The following NR2F1-AS1 variants were observed in gnomAD, a reference collection of about 807,000 sequenced individuals.
The protein encoded by NR2F1-AS1 is NR2F1 antisense RNA 1.
intron 4 of NR2F1-AS1, among the ~76,000 whole-genome samples, chr5:93,513,119 T>C (rs1434216108): frequency 6.6e-6 from 1 of 152,096 alleles, no homozygotes; most frequent in Non-Finnish European, 1.5e-5. Flanking sequence ...TGAGATGCCA[T>C]CTCATACAAG....
intron 4 of NR2F1-AS1, among the ~76,000 whole-genome samples, chr5:93,474,514 C>T (rs1036734545): frequency 6.6e-6 from 1 of 152,180 alleles, no homozygotes; most frequent in Non-Finnish European, 1.5e-5. Context: ...AAACTTACTT[C>T]TTACAGCTCT....
intron 4 of NR2F1-AS1, among the ~76,000 whole-genome samples, chr5:93,442,984 C>T (rs889496137): frequency 5.9e-5 from 9 of 152,224 alleles, no homozygotes; most frequent in Non-Finnish European, 1.0e-4. Context: ...AGGGTCCTCA[C>T]TGTTAGAAGG....
At chr5:93,481,809 A>G (rs1380973923) in intron 4 of NR2F1-AS1, among the ~76,000 whole-genome samples, 1 of 152,152 alleles carries the variant, frequency 6.6e-6, no homozygotes, top group East Asian at 1.9e-4. Flanking sequence ...TTTAAAAAAA[A>G]TAGGTTAAGA....
At chr5:93,510,605 A>G (rs1751275324) in intron 4 of NR2F1-AS1, among the ~76,000 whole-genome samples, 1 of 152,024 alleles carries the variant, frequency 6.6e-6, no homozygotes, top group Admixed American at 6.6e-5. Context: ...TCCTCCAGCT[A>G]TTTTCTTTTA....
Position 93,579,047 on chromosome 5 carries a change from G to A in NR2F1-AS1, n.313+1420C>T, listed in dbSNP as rs1202778509. On this transcript the variant is annotated intron_variant and non_coding_transcript_variant, in intron 1 of 5. Coordinates refer to ENST00000660523, the Ensembl canonical transcript of NR2F1-AS1. The surrounding 1 kb of genome is among the most constrained non-coding windows in gnomAD (Gnocchi z 5.1). Reference sequence around the variant, plus strand: ...GCAGGGCTATGAGCACAAGTGGGGCGCCCTGTGGGTGTGCAACCGCGGTCG... The same window carrying A: ...GCAGGGCTATGAGCACAAGTGGGGCACCCTGTGGGTGTGCAACCGCGGTCG... Among the ~76,000 whole-genome samples, 1 of 152,168 alleles carries A rather than the reference G, an allele frequency of 6.6e-6. No homozygotes were observed. The highest frequency in any genetic ancestry group is 1.5e-5 in the Non-Finnish European group (1 of 68,038).
intron 1 of NR2F1-AS1, among the ~76,000 whole-genome samples, chr5:93,565,310 G>A (rs1752593447): frequency 6.6e-6 from 1 of 152,086 alleles, no homozygotes; most frequent in Admixed American, 6.5e-5. Flanking sequence ...AACTTCACAG[G>A]TGAGGACACT....
intron 4 of NR2F1-AS1, among the ~76,000 whole-genome samples, chr5:93,483,952 G>A (rs1489237226): frequency 6.6e-6 from 1 of 152,178 alleles, no homozygotes; most frequent in African/African-American, 2.4e-5. Flanking sequence ...GGGACTATGT[G>A]AAAAGACCAA....
At chr5:93,571,797 C>T (rs779259757) in intron 1 of NR2F1-AS1, among the ~76,000 whole-genome samples, 20 of 147,942 alleles carry the variant, frequency 1.4e-4, no homozygotes, top group East Asian at 6.6e-4. Context: ...ACTTGCAAAA[C>T]CTGCTAGGGA....
At chr5:93,510,430 T>G (rs190262282) in intron 4 of NR2F1-AS1, among the ~76,000 whole-genome samples, 245 of 152,192 alleles carry the variant, frequency 1.6e-3, no homozygotes, top group Non-Finnish European at 2.3e-3. Flanking sequence ...GGCATCTAAC[T>G]CCTCCTCCTT....
chr5:93,547,475 T>C (rs953927780), intron 4 of NR2F1-AS1, among the ~76,000 whole-genome samples: 1 of 152,182 alleles, frequency 6.6e-6, no homozygotes, highest in Admixed American at 6.5e-5. Flanking sequence ...CAAAACCAAA[T>C]ATCATTGAAT....
At chr5:93,546,670 T>C (rs1752095187) in intron 4 of NR2F1-AS1, among the ~76,000 whole-genome samples, 1 of 152,174 alleles carries the variant, frequency 6.6e-6, no homozygotes, top group Non-Finnish European at 1.5e-5. Flanking sequence ...AATTGATCGT[T>C]TTCGTTTCAA....
At chr5:93,467,548 T>A (rs1349111363) in intron 4 of NR2F1-AS1, among the ~76,000 whole-genome samples, 1 of 152,228 alleles carries the variant, frequency 6.6e-6, no homozygotes, top group Non-Finnish European at 1.5e-5. Flanking sequence ...ACTACTGCCA[T>A]CAAAATGTTA....
intron 4 of NR2F1-AS1, among the ~76,000 whole-genome samples, chr5:93,441,173 C>A (rs1293281691): frequency 6.6e-6 from 1 of 152,070 alleles, no homozygotes; most frequent in Non-Finnish European, 1.5e-5. Context: ...TGTTTCCAGG[C>A]CAGAAGAACG....
chr5:93,456,805 A>C (rs1484351185), intron 4 of NR2F1-AS1, among the ~76,000 whole-genome samples: 1 of 152,126 alleles, frequency 6.6e-6, no homozygotes, highest in African/African-American at 2.4e-5. Context: ...GACAACAGGG[A>C]GACAATGGAG....
chr5:93,581,675 T>C (rs1185207858), upstream of NR2F1-AS1, among the ~76,000 whole-genome samples: 13 of 26,438 alleles, frequency 4.9e-4, no homozygotes, highest in East Asian at 1.9e-3. Flanking sequence ...TCGGTCTCTC[T>C]CTCTCTCTCT....
intron 4 of NR2F1-AS1, chr5:93,543,062 C>A (rs935872568): frequency 1.3e-5 from 2 of 152,226 alleles, no homozygotes; most frequent in African/African-American, 4.8e-5. Flanking sequence ...GTTCTCATCA[C>A]CTTGATTGAT....
intron 4 of NR2F1-AS1, among the ~76,000 whole-genome samples, chr5:93,450,914 CAAAAAAAA>C (rs60895927): frequency 0.02 from 1,074 of 54,042 alleles, 8 homozygotes; most frequent in Middle Eastern, 0.033. Flanking sequence ...GAATCTGCTT[CAAAAAAAA>C]AAAAAAAAAA....
intron 4 of NR2F1-AS1, among the ~76,000 whole-genome samples, chr5:93,434,943 A>G (rs556876953): frequency 6.6e-6 from 1 of 152,344 alleles, no homozygotes; most frequent in South Asian, 2.1e-4. Context: ...AATTATTGGC[A>G]ATGTTAATTC....
At chr5:93,490,458 T>A (rs1436658462) in intron 4 of NR2F1-AS1, among the ~76,000 whole-genome samples, 3 of 150,102 alleles carry the variant, frequency 2.0e-5, no homozygotes, top group African/African-American at 7.4e-5. Context: ...GTGGTGGTGG[T>A]AGTGGTGATA....
Sources: gnomAD v4.1 joint callset for allele counts (sites outside exome capture counted in the v4.1 genomes callset) on GRCh38, gnomAD v4.1.1 for gene constraint, Gnocchi (gnomAD v3.1) non-coding constraint, MANE v1.5 for transcripts, NCBI Gene and HGNC (gene_info 2026-07-23, HGNC 2026-07-21) for gene names.